The following CASD1 variants were observed in gnomAD, a reference collection of about 807,000 sequenced individuals.
CASD1 encodes CAS1 domain sialic acid O acetyltransferase 1, also known as N-acetylneuraminate (7)9-O-acetyltransferase.
CASD1 carries 41 observed loss-of-function variants against 100.0 expected under a neutral mutation model. That is an observed-to-expected ratio of 0.41 (90% CI 0.32 to 0.53). The LOEUF (loss-of-function observed/expected upper bound fraction) is 0.53, where lower values mean the gene tolerates loss of function less well. Among genes scored for constraint, CASD1 ranks in the 20% least tolerant of loss-of-function variants. The pLI is 0.25. For synonymous variants in CASD1, 321 were observed against 315.6 expected (o/e 1.02, Z -0.18); for missense variants, 774 against 948.7 (o/e 0.82, Z 2.42).
In CASD1 at chr7:94,555,816, G is replaced by A; in HGVS notation, c.*58G>A. 2.7e-6 allele frequency: 4 copies of A among 1,503,940 alleles called. No homozygotes were observed. The highest frequency in any genetic ancestry group is 2.7e-6 in the Non-Finnish European group (3 of 1,113,450). The allele number at this position is 1,503,940 out of a possible 1,614,324, so 93.2% of individuals were successfully genotyped here. ...AGGCTACCTTTGTGTGTCTCTAGAA[G>A]AGAAAAGCATCTATCTGGAGATATA... On this transcript the variant is annotated 3_prime_UTR_variant, in exon 18 of 18. Coordinates refer to ENST00000297273, the MANE Select transcript of CASD1 (RefSeq NM_022900.5).
rs552226948 is a variant in CASD1, at chr7:94,531,103, A to G, written c.460-2102A>G. 2.0e-5 allele frequency among the ~76,000 whole-genome samples: 3 copies of G among 152,306 alleles called. No individual in the cohort carries two copies. The East Asian group carries it at 5.8e-4, about 29-fold the overall frequency. On this transcript the variant is annotated intron_variant, in intron 5 of 17. Coordinates refer to ENST00000297273, the MANE Select transcript of CASD1 (RefSeq NM_022900.5). The stretch of plus-strand genomic sequence containing the variant: ...ATAGTGAGGGCAGAATACTCTTTCA[A>G]GTAATCTGTTGGTTACAGGTGTAAG...
At chr7:94,563,782 A>G in the CASD1 span, among the ~76,000 whole-genome samples, 1 of 151,892 alleles carries the variant, frequency 6.6e-6, no homozygotes, top group Non-Finnish European at 1.5e-5. Context: ...CAAAGAGCCT[A>G]CTAGGCACTA....
the CASD1 span, among the ~76,000 whole-genome samples, chr7:94,633,623 C>CA: frequency 1.2e-4 from 18 of 149,518 alleles, no homozygotes; most frequent in African/African-American, 2.9e-4. Context: ...AAAGCAGTAG[C>CA]AAAAAAAAAG....
In CASD1 at chr7:94,514,877, G is replaced by C. The variant is rs1331917296; in HGVS notation, c.134-2683G>C. Among the ~76,000 whole-genome samples the C allele has an allele frequency of 3.3e-5, 5 of 152,002 alleles. No homozygotes were observed. In the South Asian group the frequency reaches 6.2e-4, roughly 19 times the overall value. On this transcript the variant is annotated intron_variant, in intron 1 of 17. Coordinates refer to ENST00000297273, the MANE Select transcript of CASD1 (RefSeq NM_022900.5). ...GCTATCAAAATTATACTAGACAATT[G>C]AAAATAACAACCGAAGTTTTGTTTT...
chr7:94,629,952 G>A, the CASD1 span: 6 of 1,259,340 alleles, frequency 4.8e-6, no homozygotes, highest in South Asian at 1.4e-5. Context: ...AGACATTTCT[G>A]GAAAAACTGA....
the CASD1 span, chr7:94,623,438 C>A: frequency 2.4e-6 from 3 of 1,272,952 alleles, no homozygotes; most frequent in Non-Finnish European, 3.4e-6. Flanking sequence ...GTGAAATGTT[C>A]TTTGTAAAAT....
chr7:94,588,802 A>G, the CASD1 span: 4 of 1,597,328 alleles, frequency 2.5e-6, no homozygotes, highest in Non-Finnish European at 3.4e-6. Context: ...CAGACATACT[A>G]GAATGAAAAA....
chr7:94,599,123 C>A, the CASD1 span: 1 of 585,056 alleles, frequency 1.7e-6, no homozygotes, highest in Non-Finnish European at 3.0e-6. Flanking sequence ...GCATACATCT[C>A]ACATACTTTT....
At chr7:94,599,224 T>A in the CASD1 span, 2 of 363,010 alleles carry the variant, frequency 5.5e-6, no homozygotes, top group South Asian at 1.0e-4. Flanking sequence ...AATATTACTG[T>A]CCTAAGTAAC....
intron 10 of CASD1, 67 bp downstream of exon 10, chr7:94,539,123 C>A: frequency 2.3e-6 from 2 of 886,262 alleles, no homozygotes; most frequent in Admixed American, 2.2e-5. Context: ...TCTTTAAGGG[C>A]ACCAGCTTTT....
chr7:94,623,306 A>G, the CASD1 span: 27 of 1,443,704 alleles, frequency 1.9e-5, no homozygotes, highest in Non-Finnish European at 2.5e-5. Context: ...AGAAATGATC[A>G]ACATATTTTC....
At chr7:94,623,750 A>C in the CASD1 span, 6 of 395,868 alleles carry the variant, frequency 1.5e-5, no homozygotes, top group Admixed American at 4.3e-5. Flanking sequence ...AAAAAAAACA[A>C]TAATTTTTGT....
chr7:94,588,197 CTTG>C, the CASD1 span: 17 of 1,074,028 alleles, frequency 1.6e-5, no homozygotes, highest in Non-Finnish European at 1.9e-5. Flanking sequence ...TGTCCGCCAT[CTTG>C]TTGTCATTGG....
chr7:94,558,820 G>A (rs191587868), downstream of CASD1, among the ~76,000 whole-genome samples: 39 of 151,842 alleles, frequency 2.6e-4, no homozygotes, highest in East Asian at 6.6e-3. Flanking sequence ...AATTTTTTGA[G>A]GCAGGGTCTT....
chr7:94,564,140 A>C, the CASD1 span, among the ~76,000 whole-genome samples: 11 of 152,340 alleles, frequency 7.2e-5, no homozygotes, highest in Non-Finnish European at 1.3e-4. Context: ...ATGTGAATGC[A>C]CACAATTTCT....
the CASD1 span, chr7:94,622,444 A>G: frequency 6.6e-6 from 1 of 152,246 alleles, no homozygotes; most frequent in Non-Finnish European, 1.5e-5. Flanking sequence ...CCTGGCCAAC[A>G]TGGTGAAACC....
At chr7:94,517,486 T>TA (rs952703096) in intron 1 of CASD1, 74 bp from the exon 2 acceptor site, 1 of 875,576 alleles carries the variant, frequency 1.1e-6, no homozygotes, top group African/African-American at 1.7e-5. Context: ...TCAAGGAACT[T>TA]ATATAGGGTC....
At chr7:94,564,333 A>AT in the CASD1 span, among the ~76,000 whole-genome samples, 4 of 152,194 alleles carry the variant, frequency 2.6e-5, no homozygotes, top group Non-Finnish European at 5.9e-5. Context: ...GGCCAGACTA[A>AT]TGAATTAAAG....
At chr7:94,577,008 T>G in the CASD1 span, among the ~76,000 whole-genome samples, 2 of 152,210 alleles carry the variant, frequency 1.3e-5, no homozygotes, top group Admixed American at 1.3e-4. Context: ...TTATATCTTT[T>G]TATTGATATT....
Sources: gnomAD v4.1 joint callset for allele counts (sites outside exome capture counted in the v4.1 genomes callset) on GRCh38, gnomAD v4.1.1 for gene constraint, MANE v1.5 for transcripts, NCBI Gene and HGNC (gene_info 2026-07-23, HGNC 2026-07-21) for gene names.